Variants in TRAP1 observed in about 807,000 individuals in gnomAD.
TRAP1 encodes the protein TNF receptor associated protein 1.
TRAP1 carries 102 observed loss-of-function variants against 89.1 expected under a neutral mutation model. The observed-to-expected ratio is 1.15, with a 90% CI of 0.98 to 1.35. TRAP1 has a LOEUF of 1.35. Among genes scored for constraint, TRAP1 ranks in the 40% most tolerant of loss-of-function variants. The probability of loss-of-function intolerance (pLI) is 0.00; values close to 1 mark genes in which losing one functional copy is unlikely to be tolerated. For missense variants in TRAP1, 1,256 were observed against 945.3 expected, an observed-to-expected ratio of 1.33 and a Z score of -4.31; for synonymous variants, 508 against 388.0, an observed-to-expected ratio of 1.31 and a Z score of -3.64.
intron 3 of TRAP1, among the ~76,000 whole-genome samples, chr16:3,688,264 G>A (rs901087611): frequency 7.9e-5 from 12 of 151,960 alleles, no homozygotes; most frequent in African/African-American, 2.7e-4. Context: ...GCCTCCTAAA[G>A]TGCCGGGATT....
At chr16:3,670,330 C>A (rs2050894945) in intron 11 of TRAP1, among the ~76,000 whole-genome samples, 1 of 142,672 alleles carries the variant, frequency 7.0e-6, no homozygotes, top group South Asian at 2.3e-4. Context: ...TTGCAGTGAG[C>A]CGAGACTGCG....
In TRAP1 at chr16:3,662,822, C is replaced by T. The variant is rs1452356435; in HGVS notation, c.1794+60G>A. On this transcript the variant is annotated intron_variant, in intron 15 of 17. Coordinates refer to ENST00000246957, the MANE Select transcript of TRAP1 (RefSeq NM_016292.3). The stretch of plus-strand genomic sequence containing the variant: ...CGGGCCAGGTACTGGGAGCCACCAG[C>T]TGGCCAGCCTGTTAGGGACACTGCG... 9 of 1,556,148 alleles carry T rather than the reference C, an allele frequency of 5.8e-6. No individual in the cohort carries two copies. The African/African-American group carries it at 6.8e-5, about 12-fold the overall frequency.
chr16:3,666,380 C>T (rs1056463160), intron 11 of TRAP1, among the ~76,000 whole-genome samples: 6 of 152,174 alleles, frequency 3.9e-5, no homozygotes, highest in Admixed American at 2.0e-4. Context: ...TACCCACGCC[C>T]GGAAAACCCT....
intron 8 of TRAP1, chr16:3,674,839 C>G (rs1596713360): frequency 2.7e-6 from 1 of 365,332 alleles, no homozygotes; most frequent in East Asian, 5.7e-5. Flanking sequence ...TGCACCGCAG[C>G]TGAGCCGCGA....
intron 1 of TRAP1, among the ~76,000 whole-genome samples, chr16:3,698,632 T>C (rs1322496537): frequency 6.6e-6 from 1 of 150,778 alleles, no homozygotes; most frequent in African/African-American, 2.4e-5. Context: ...CTAACTCAGG[T>C]GCAGTGGCTC....
intron 1 of TRAP1, chr16:3,704,240 G>A (rs894458601): frequency 1.3e-5 from 2 of 152,094 alleles, no homozygotes; most frequent in African/African-American, 2.4e-5. Flanking sequence ...AGCTACTCGC[G>A]AGACCAACGC....
intron 1 of TRAP1, among the ~76,000 whole-genome samples, chr16:3,703,351 G>A (rs143690779): frequency 8.6e-5 from 13 of 151,670 alleles, no homozygotes; most frequent in African/African-American, 1.2e-4. Flanking sequence ...AACTACAGAC[G>A]TAAGGTAACA....
chr16:3,704,415 CA>C (rs1335748748), intron 1 of TRAP1: 1 of 152,184 alleles, frequency 6.6e-6, no homozygotes, highest in African/African-American at 2.4e-5. Flanking sequence ...TACAAAATTT[CA>C]AACACATTTT....
chr16:3,710,879 A>ATTTTTTTTTTT lies in TRAP1; in HGVS notation c.88+6531_88+6541dup, dbSNP rs1181110685. Among the ~76,000 whole-genome samples the ATTTTTTTTTTT allele has an allele frequency of 2.1e-4, 27 of 125,798 alleles. 1 individual carries two copies. The highest frequency in any genetic ancestry group is 6.2e-4 in the African/African-American group (19 of 30,582). 82.5% of individuals were successfully genotyped at this position (125,798 alleles called of 152,430 possible). A position where few individuals can be genotyped will look rare whatever the true frequency, so the allele number is the denominator to read the frequency against. On this transcript the variant is annotated intron_variant, in intron 1 of 17. Coordinates refer to ENST00000246957, the MANE Select transcript of TRAP1 (RefSeq NM_016292.3). ...TGTGTATATATATATATATATATAT[A>ATTTTTTTTTTT]TTTTTTTTTTTGAGACACTGTCACT...
At chr16:3,707,965 A>C (rs184110355) in intron 1 of TRAP1, among the ~76,000 whole-genome samples, 3 of 152,182 alleles carry the variant, frequency 2.0e-5, no homozygotes, top group Admixed American at 6.5e-5. Context: ...TAGGAGGATC[A>C]CTTGAGACCA....
At chr16:3,672,182 A>G (rs2050923054) in intron 10 of TRAP1, among the ~76,000 whole-genome samples, 2 of 152,182 alleles carry the variant, frequency 1.3e-5, no homozygotes, top group South Asian at 4.2e-4. Flanking sequence ...CTAAAAATAC[A>G]AAAATTAGCC....
intron 11 of TRAP1, among the ~76,000 whole-genome samples, chr16:3,668,306 T>C (rs1291239245): frequency 6.6e-6 from 1 of 151,640 alleles, no homozygotes; most frequent in Admixed American, 6.6e-5. Context: ...GTGATCTGCC[T>C]GCCTCGGCCT....
intron 11 of TRAP1, among the ~76,000 whole-genome samples, chr16:3,671,033 G>T (rs1166405342): frequency 6.6e-6 from 1 of 152,136 alleles, no homozygotes; most frequent in Non-Finnish European, 1.5e-5. Flanking sequence ...GAGAGAAACC[G>T]GTGGGCAGAG....
intron 9 of TRAP1, 146 bp from the exon 10 acceptor site, chr16:3,672,966 A>G (rs2050935351): frequency 2.3e-6 from 3 of 1,289,314 alleles, no homozygotes; most frequent in Admixed American, 5.8e-5. Flanking sequence ...AGCCCAGTGC[A>G]GGGGCCCCAC....
intron 1 of TRAP1, among the ~76,000 whole-genome samples, chr16:3,707,596 G>A (rs1026146295): frequency 1.3e-5 from 2 of 151,612 alleles, no homozygotes; most frequent in Non-Finnish European, 2.9e-5. Flanking sequence ...GCTCATGCCT[G>A]TAATCCCAGC....
intron 4 of TRAP1, among the ~76,000 whole-genome samples, chr16:3,681,106 G>A (rs748727512): frequency 3.2e-4 from 48 of 152,114 alleles, no homozygotes; most frequent in Non-Finnish European, 4.9e-4. Context: ...TGCCCATAAT[G>A]TAGCCACAGC....
At chr16:3,707,809 G>T (rs563399038) in intron 1 of TRAP1, among the ~76,000 whole-genome samples, 1 of 149,698 alleles carries the variant, frequency 6.7e-6, no homozygotes, top group Non-Finnish European at 1.5e-5. Context: ...AGCCAAGATC[G>T]TGCCACTGCA....
At chr16:3,663,112 TA>T in intron 14 of TRAP1, 145 bp from the exon 15 acceptor site, 1 of 714,256 alleles carries the variant, frequency 1.4e-6, no homozygotes, top group Non-Finnish European at 2.3e-6. Flanking sequence ...CATCTAAAAG[TA>T]AAACCTCAAA....
intron 4 of TRAP1, among the ~76,000 whole-genome samples, chr16:3,685,349 T>C (rs368057692): frequency 1.3e-4 from 20 of 152,344 alleles, no homozygotes; most frequent in African/African-American, 4.3e-4. Context: ...CAGCCATCCC[T>C]TCACAAGTCC....
Sources: allele counts gnomAD v4.1 joint callset (sites outside exome capture counted in the v4.1 genomes callset), GRCh38; gene constraint gnomAD v4.1.1; transcripts MANE v1.5; gene names NCBI Gene and HGNC (gene_info 2026-07-23, HGNC 2026-07-21).